The following PLA2R1 variants were observed in gnomAD, a reference collection of about 807,000 sequenced individuals.
PLA2R1 encodes secretory phospholipase A2 receptor.
Under a neutral mutation model 195.9 loss-of-function variants are expected in PLA2R1, and 158 were observed. That is an observed-to-expected ratio of 0.81 (90% CI 0.71 to 0.92). The LOEUF (loss-of-function observed/expected upper bound fraction) is 0.92. Among genes scored for constraint, PLA2R1 ranks in the 40% least tolerant of loss-of-function variants. The probability of loss-of-function intolerance (pLI) is 0.00; values close to 1 mark genes in which losing one functional copy is unlikely to be tolerated. For missense variants in PLA2R1, 1,626 were observed against 1,764.6 expected, an observed-to-expected ratio of 0.92 and a Z score of 1.41; for synonymous variants, 586 against 598.2, an observed-to-expected ratio of 0.98 and a Z score of 0.30.
rs137957041 is a variant in PLA2R1, at chr2:160,037,411, T to C, written c.668-4279A>G. Among the ~76,000 whole-genome samples, 339 of 152,240 alleles carry C rather than the reference T, an allele frequency of 2.2e-3. 2 individuals are homozygous for C. In the Middle Eastern group the frequency reaches 0.054, roughly 24 times the overall value. ...CTTCATTCACTGTACTCTTGCCACA[T>C]TGTCTTTCTTAGATGGCAATAACCT... On this transcript the variant is annotated intron_variant, in intron 3 of 29. Transcript: ENST00000283243.
rs1410311563 is a variant in PLA2R1 at position 160,044,199 on chromosome 2, C to T, written c.493+575G>A. On this transcript the variant is annotated intron_variant, in intron 2 of 29. Transcript: ENST00000283243. ...TAACCATAGAAAATGAAATTCCCCT[C>T]TAAACCATGCTTCCCCACCAACCAT... Among the ~76,000 whole-genome samples the T allele has an allele frequency of 2.6e-5, 4 of 152,068 alleles. No individual in the cohort carries two copies. The East Asian group carries it at 7.7e-4, about 29-fold the overall frequency.
chr2:159,974,708 G>A (rs150124678), intron 17 of PLA2R1, among the ~76,000 whole-genome samples: 1 of 152,002 alleles, frequency 6.6e-6, no homozygotes, highest in Non-Finnish European at 1.5e-5. Context: ...AATTTATGAT[G>A]GGGAAAATTC....
intron 3 of PLA2R1, among the ~76,000 whole-genome samples, chr2:160,039,391 G>A (rs1209947978): frequency 6.6e-6 from 1 of 152,066 alleles, no homozygotes; most frequent in African/African-American, 2.4e-5. Flanking sequence ...TTTTGCTGAA[G>A]ATGTTTTATT....
Position 160,062,491 on chromosome 2 carries a change from G to A in PLA2R1, c.-88C>T. ...AGCCGCGTCCCAAGCACCCGGCCCC[G>A]CCGCGCGGAAGCGGATCCGTAGCCT... On this transcript the variant is annotated 5_prime_UTR_variant, in exon 1 of 30. Transcript: ENST00000283243. 1 of 1,431,598 alleles carries A rather than the reference G, an allele frequency of 7.0e-7. No homozygotes were observed. Among genetic ancestry groups the A allele is most frequent in the South Asian group, 1.5e-5 (1 of 67,628 alleles). 88.7% of individuals were successfully genotyped at this position (1,431,598 alleles called of 1,614,324 possible).
At chr2:160,024,636 G>A (rs529917914) in intron 6 of PLA2R1, among the ~76,000 whole-genome samples, 3 of 152,166 alleles carry the variant, frequency 2.0e-5, no homozygotes, top group African/African-American at 4.8e-5. Context: ...CATCTCATGG[G>A]GGAATGGGTG....
At chr2:160,043,318 C>T (rs1443653937) in intron 2 of PLA2R1, among the ~76,000 whole-genome samples, 7 of 151,938 alleles carry the variant, frequency 4.6e-5, no homozygotes, top group Non-Finnish European at 1.0e-4. Context: ...GGCTGGGTGG[C>T]TTCTCAGTGG....
intron 6 of PLA2R1, among the ~76,000 whole-genome samples, chr2:160,023,755 T>C (rs1030285696): frequency 8.5e-5 from 13 of 152,214 alleles, no homozygotes; most frequent in Non-Finnish European, 1.9e-4. Context: ...ACCTGGGATC[T>C]CATCCCTGCC....
intron 1 of PLA2R1, among the ~76,000 whole-genome samples, chr2:160,046,532 T>C (rs1039510433): frequency 6.6e-6 from 1 of 152,214 alleles, no homozygotes; most frequent in Non-Finnish European, 1.5e-5. Context: ...TTCTCCAAAG[T>C]TAATCAGCCT....
In PLA2R1 at chr2:159,940,725, G is replaced by C. The variant is rs1275995892; in HGVS notation, c.*1053C>G. ...CATTATTTACCATCTACACTAACTA[G>C]ACTAATATAAAAGGAGATCGTTCCC... On this transcript the variant is annotated 3_prime_UTR_variant, in exon 30 of 30. Transcript: ENST00000283243. 1 of 152,036 alleles carries C rather than the reference G, an allele frequency of 6.6e-6. No individual in the cohort carries two copies. Among genetic ancestry groups the C allele is most frequent in the East Asian group, 1.9e-4 (1 of 5,200 alleles). The allele number at this position is 152,036 out of a possible 1,614,324, so 9.4% of individuals were successfully genotyped here.
intron 8 of PLA2R1, among the ~76,000 whole-genome samples, chr2:160,019,717 T>A (rs796785578): frequency 1.1e-4 from 17 of 152,332 alleles, no homozygotes; most frequent in African/African-American, 3.8e-4. Context: ...TTTTTGATCA[T>A]TCAACATGGC....
chr2:160,042,858 GGAGAGAGAGAGAGAGA>G (rs34457845), intron 2 of PLA2R1, among the ~76,000 whole-genome samples: 1 of 139,736 alleles, frequency 7.2e-6, no homozygotes, highest in Non-Finnish European at 1.6e-5. Flanking sequence ...TGAGACAGAG[GGAGAGAGAGAGAGAGA>G]GAGAAAGTGA....
rs893494369 is a variant in PLA2R1, at chr2:159,935,534, T to C, written c.*6244A>G. The C allele has an allele frequency of 1.3e-5, 2 of 152,230 alleles. No homozygotes were observed. Among genetic ancestry groups the C allele is most frequent in the Non-Finnish European group, 2.9e-5 (2 of 68,036 alleles). The allele number at this position is 152,230 out of a possible 1,614,324, so 9.4% of individuals were successfully genotyped here. On this transcript the variant is annotated 3_prime_UTR_variant, in exon 30 of 30. Transcript: ENST00000283243. ...GTTATAATCCAATATTATAATTTTT[T>C]ATTGTTTGCTCAAATTGTTCCAGCA... is the stretch of plus-strand genomic sequence containing the variant.
At chr2:160,057,795 C>T (rs1183785376) in intron 1 of PLA2R1, among the ~76,000 whole-genome samples, 1 of 152,148 alleles carries the variant, frequency 6.6e-6, no homozygotes, top group Non-Finnish European at 1.5e-5. Context: ...CTGTTGGTTT[C>T]CTTCTCACAC....
intron 1 of PLA2R1, among the ~76,000 whole-genome samples, chr2:160,056,127 T>C (rs1695520857): frequency 6.6e-6 from 1 of 152,030 alleles, no homozygotes. Flanking sequence ...CCACTGCAGG[T>C]TGTGGCCCAT....
chr2:159,969,700 G>A (rs547706156), intron 18 of PLA2R1, among the ~76,000 whole-genome samples: 125 of 152,044 alleles, frequency 8.2e-4, no homozygotes, highest in Non-Finnish European at 1.4e-3. Context: ...GCACCACCAC[G>A]CCCAGCTAAT....
At chr2:160,053,355 G>A (rs547015215) in intron 1 of PLA2R1, among the ~76,000 whole-genome samples, 1 of 150,726 alleles carries the variant, frequency 6.6e-6, no homozygotes, top group East Asian at 2.0e-4. Flanking sequence ...TGGTGGGGGG[G>A]GGGGGAACAA....
chr2:159,955,121 C>T, intron 23 of PLA2R1, 78 bp downstream of exon 23: 1 of 1,088,388 alleles, frequency 9.2e-7, no homozygotes, highest in Non-Finnish European at 1.4e-6. Context: ...ACATTAGCTA[C>T]ACAGCTGTGT....
chr2:159,977,231 C>T lies in PLA2R1; in HGVS notation c.2401+53G>A. ...TTGGGGTGTTTAAATTGGGAAAGTA[C>T]TAGAGATTATTAGAAATCAAACATA... On this transcript the variant is annotated intron_variant, in intron 15 of 29. Transcript: ENST00000283243. The T allele has an allele frequency of 5.0e-6, 7 of 1,392,354 alleles. No individual in the cohort carries two copies. In the East Asian group the frequency reaches 1.6e-4, roughly 32 times the overall value. The allele number at this position is 1,392,354 out of a possible 1,614,324, so 86.2% of individuals were successfully genotyped here. A position where few individuals can be genotyped will look rare whatever the true frequency, so the allele number is the denominator to read the frequency against.
chr2:159,949,569 A>C lies in PLA2R1; in HGVS notation c.3709+39T>G, dbSNP rs141263866. ...CACAGTGTCTTGCATACAGTAGTTA[A>C]ATAAGGTATATTTTTGAGTTGAATA... On this transcript the variant is annotated intron_variant, in intron 25 of 29. Coordinates refer to ENST00000283243, the MANE Select transcript of PLA2R1 (RefSeq NM_007366.5). 409 of 1,492,452 alleles carry C rather than the reference A, an allele frequency of 2.7e-4. 2 individuals carry two copies. In the African/African-American group the frequency reaches 4.8e-3, roughly 18 times the overall value. The allele number at this position is 1,492,452 out of a possible 1,614,324, so 92.5% of individuals were successfully genotyped here. A position where few individuals can be genotyped will look rare whatever the true frequency, so the allele number is the denominator to read the frequency against.
Sources: allele counts gnomAD v4.1 joint callset (sites outside exome capture counted in the v4.1 genomes callset), GRCh38; gene constraint gnomAD v4.1.1; transcripts MANE v1.5; gene names NCBI Gene and HGNC (gene_info 2026-07-23, HGNC 2026-07-21).